The following DOCK1 variants were observed in gnomAD, a reference collection of about 807,000 sequenced individuals.
DOCK1 encodes the protein dedicator of cytokinesis protein 1.
In DOCK1, 138 loss-of-function variants were observed where a neutral mutation model predicts 262.7. That is an observed-to-expected ratio of 0.53 (90% confidence interval 0.46 to 0.61). The LOEUF is 0.61. DOCK1 is among the 20% of genes least tolerant of loss of function. The pLI, the probability that DOCK1 is intolerant of heterozygous loss-of-function variation, is 0.00. For synonymous variants in DOCK1, 866 were observed against 867.4 expected, an observed-to-expected ratio of 1.00 and a Z score of 0.03; for missense variants, 1,908 against 2,370.7, an observed-to-expected ratio of 0.80 and a Z score of 4.05.
chr10:127,093,046 G>T (rs571462691), intron 23 of DOCK1, among the ~76,000 whole-genome samples: 1 of 152,106 alleles, frequency 6.6e-6, no homozygotes, highest in South Asian at 2.1e-4. Flanking sequence ...GAAGGCTCTA[G>T]AAGGCTGTAG....
intron 40 of DOCK1, among the ~76,000 whole-genome samples, chr10:127,407,961 G>A: frequency 6.6e-6 from 1 of 152,138 alleles, no homozygotes. Flanking sequence ...GAGGCAGAAG[G>A]CTTCCAAAAC....
At chr10:127,053,299 G>A (rs1564765808) in intron 22 of DOCK1, among the ~76,000 whole-genome samples, 2 of 152,284 alleles carry the variant, frequency 1.3e-5, no homozygotes, top group East Asian at 1.9e-4. Context: ...CGGAGATCGC[G>A]CCACTGCACT....
intron 29 of DOCK1, among the ~76,000 whole-genome samples, chr10:127,323,259 G>A (rs1393893546): frequency 3.9e-5 from 6 of 152,106 alleles, no homozygotes; most frequent in African/African-American, 1.2e-4. Context: ...TATCTTCCCC[G>A]TGGCCGCCCT....
chr10:127,407,704 A>G (rs2067597152), intron 40 of DOCK1, among the ~76,000 whole-genome samples: 1 of 152,158 alleles, frequency 6.6e-6, no homozygotes, highest in South Asian at 2.1e-4. Flanking sequence ...GCACCTGTCC[A>G]GGAATGACTG....
At chr10:127,183,936 C>T (rs1216477348) in intron 27 of DOCK1, among the ~76,000 whole-genome samples, 1 of 152,092 alleles carries the variant, frequency 6.6e-6, no homozygotes, top group Non-Finnish European at 1.5e-5. Context: ...TAATAAGTAG[C>T]TACTTTTTAA....
intron 22 of DOCK1, among the ~76,000 whole-genome samples, chr10:127,056,230 G>T (rs1851571121): frequency 6.6e-6 from 1 of 152,040 alleles, no homozygotes; most frequent in African/African-American, 2.4e-5. Context: ...TTTGAGACAG[G>T]ACCTCCCTCT....
intron 43 of DOCK1, among the ~76,000 whole-genome samples, chr10:127,414,502 T>C (rs1455662383): frequency 1.3e-5 from 2 of 152,200 alleles, no homozygotes; most frequent in Non-Finnish European, 2.9e-5. Flanking sequence ...TCAAATGATG[T>C]TTTTATTTAA....
At chr10:127,362,967 A>G (rs2133946230) in intron 33 of DOCK1, among the ~76,000 whole-genome samples, 1 of 85,744 alleles carries the variant, frequency 1.2e-5, no homozygotes, top group Admixed American at 1.2e-4. Flanking sequence ...GCATCCCCAC[A>G]TACACATACA....
intron 40 of DOCK1, among the ~76,000 whole-genome samples, chr10:127,408,214 G>C (rs1241844711): frequency 1.3e-5 from 2 of 152,150 alleles, no homozygotes; most frequent in Non-Finnish European, 2.9e-5. Flanking sequence ...GGACTGCCTA[G>C]TCTAGCCTAG....
At chr10:127,048,109 G>C (rs2044467294) in intron 21 of DOCK1, among the ~76,000 whole-genome samples, 1 of 152,186 alleles carries the variant, frequency 6.6e-6, no homozygotes. Context: ...CAAAAGGGTT[G>C]TACCATATTG....
At chr10:127,173,824 C>T (rs2054811507) in intron 27 of DOCK1, among the ~76,000 whole-genome samples, 1 of 152,138 alleles carries the variant, frequency 6.6e-6, no homozygotes, top group African/African-American at 2.4e-5. Context: ...CAAGATTGAA[C>T]AAGGCCTTTT....
chr10:127,053,990 A>C (rs991070966), intron 22 of DOCK1, among the ~76,000 whole-genome samples: 2 of 152,112 alleles, frequency 1.3e-5, no homozygotes, highest in Admixed American at 6.6e-5. Context: ...CACAGATGGG[A>C]TTCATGAACC....
Position 126,972,740 on chromosome 10 carries a change from C to T in DOCK1, c.130+1955C>T, listed in dbSNP as rs899277814. ...GAGAAACACAGACCTACTAACAGATCCATGTTCATGGCCCTTATTTCCCCA... is the reference window on the plus strand; with the variant it reads ...GAGAAACACAGACCTACTAACAGATTCATGTTCATGGCCCTTATTTCCCCA... On this transcript the variant is annotated intron_variant, in intron 2 of 51. Coordinates refer to ENST00000623213, the MANE Select transcript of DOCK1 (RefSeq NM_001290223.2). 2.0e-5 allele frequency among the ~76,000 whole-genome samples: 3 copies of T among 152,002 alleles called. No individual in the cohort carries two copies. In the East Asian group the frequency reaches 5.8e-4, roughly 30 times the overall value.
rs564454237 is a variant in DOCK1, at chr10:127,433,258, CCTT to C, written c.4915-22_4915-20del. ...GCAGGCACAGGCATCAAACAAGTCT[CCTT>C]CTCTCTCTTTCTCGCTCTCAGCCCT... is the stretch of plus-strand genomic sequence containing the variant. On this transcript the variant is annotated intron_variant, in intron 47 of 51. Transcript: ENST00000623213. The C allele has an allele frequency of 5.2e-4, 837 of 1,611,886 alleles. 7 individuals are homozygous for C. In the African/African-American group the frequency reaches 0.01, roughly 19 times the overall value.
intron 27 of DOCK1, among the ~76,000 whole-genome samples, chr10:127,151,010 G>A (rs1197875126): frequency 6.6e-6 from 1 of 152,136 alleles, no homozygotes; most frequent in East Asian, 1.9e-4. Flanking sequence ...AAAATAACAT[G>A]TTTAAGTTAG....
intron 1 of DOCK1, among the ~76,000 whole-genome samples, chr10:126,945,711 CTT>C (rs1239541629): frequency 6.6e-6 from 1 of 152,196 alleles, no homozygotes; most frequent in Non-Finnish European, 1.5e-5. Context: ...CCACCGGCCT[CTT>C]TTTCCAGTCC....
intron 27 of DOCK1, among the ~76,000 whole-genome samples, chr10:127,213,069 C>G (rs1336297121): frequency 7.2e-5 from 11 of 152,214 alleles, no homozygotes; most frequent in Admixed American, 5.9e-4. Flanking sequence ...GTAATGTCGA[C>G]AGCTTGCTGT....
rs1181795810 is a variant in DOCK1 at position 127,409,336 on chromosome 10, C to T, written c.4288C>T (p.Pro1430Ser). 6.2e-7 allele frequency: 1 copy of T among 1,613,810 alleles called. No homozygotes were observed. The highest frequency in any genetic ancestry group is 1.3e-5 in the African/African-American group (1 of 74,886). ...GQYIQCFTVK[P>S]KLDLPPKFHR... ...AGATATTCAGTGCTTCACAGTGAAG[C>T]CCAAACTCGATCTGCCTCCTAAGTT... The change falls in exon 42 of 52, where the codon CCC becomes TCC. Residue 1430 changes from proline (P) to serine (S), a missense_variant. Coordinates refer to ENST00000623213, the MANE Select transcript of DOCK1 (RefSeq NM_001290223.2).
Position 127,023,317 on chromosome 10 carries a change from G to T in DOCK1, c.1445G>T (p.Arg482Leu). 1.2e-6 allele frequency: 2 copies of T among 1,613,856 alleles called. No homozygotes were observed. Among genetic ancestry groups the T allele is most frequent in the South Asian group, 2.2e-5 (2 of 91,014 alleles). ...TCTGTGTACGATGAGGATGGGAAACGATTAGAGGTATTTATTGTGGCGAGG... is the reference window on the plus strand; with the variant it reads ...TCTGTGTACGATGAGGATGGGAAACTATTAGAGGTATTTATTGTGGCGAGG... ...TVSVYDEDGK[R>L]LEHVIFPGAG... The change falls in exon 14 of 52, where the codon CGA (arginine) becomes CTA (leucine). Residue 482 changes from arginine to leucine, a missense_variant. Physicochemically the swap from Arg to Leu is moderately radical, Grantham distance 102 (BLOSUM62 -2). This residue lies in a region of DOCK1 where 294 missense variants were observed against 439.9 expected (regional missense o/e 0.67). Transcript: ENST00000623213.
Sources: gnomAD v4.1 joint callset for allele counts (sites outside exome capture counted in the v4.1 genomes callset) on GRCh38, gnomAD v4.1.1 for gene constraint, gnomAD v4.1.1 regional missense constraint, MANE v1.5 for transcripts, NCBI Gene and HGNC (gene_info 2026-07-23, HGNC 2026-07-21) for gene names.